The following DAB1 variants were observed in gnomAD, a reference collection of about 807,000 sequenced individuals.
DAB1 encodes disabled homolog 1.
A neutral mutation model predicts 64.6 loss-of-function variants in DAB1; 15 were observed. That is an observed-to-expected ratio of 0.23 (90% CI 0.16 to 0.36). The LOEUF (loss-of-function observed/expected upper bound fraction) is 0.36. Among genes scored for constraint, DAB1 ranks in the 10% least tolerant of loss-of-function variants. The pLI is 1.00. For synonymous variants in DAB1, 235 were observed against 251.9 expected (o/e 0.93, Z 0.64); for missense variants, 596 against 706.7 (o/e 0.84, Z 1.78).
At chr1:58,539,837 C>G (rs1263331328) in intron 1 of DAB1, among the ~76,000 whole-genome samples, 1 of 152,096 alleles carries the variant, frequency 6.6e-6, no homozygotes, top group African/African-American at 2.4e-5. Context: ...AGGTGGAGCC[C>G]AGTGGTTCCC....
intron 6 of DAB1, among the ~76,000 whole-genome samples, chr1:57,744,939 T>G (rs1410582705): frequency 6.6e-6 from 1 of 152,166 alleles, no homozygotes; most frequent in African/African-American, 2.4e-5. Flanking sequence ...AAACTGTGTT[T>G]TTCACAGAAC....
intron 5 of DAB1, among the ~76,000 whole-genome samples, chr1:58,022,872 A>G (rs776329014): frequency 1.3e-5 from 2 of 151,946 alleles, no homozygotes; most frequent in Admixed American, 6.6e-5. Flanking sequence ...TTCATTATTT[A>G]TTTTTCTGAA....
chr1:57,023,574 A>G lies in DAB1; in HGVS notation c.852T>C (p.Asp284=), dbSNP rs774857091. ...TGCCGAAAGGTACAGAACTAAACAC[A>G]TCTGCACTCGCTGGAAGGGTCTGAG... ...SSSQTLPASA[D]VFSSVPFGTA... Residue 284 remains aspartate (D), a synonymous_variant, in exon 11 of 15, where the codon GAT becomes GAC. Transcript: ENST00000371236. The G allele has an allele frequency of 6.2e-7, 1 of 1,612,056 alleles. No homozygotes were observed. Among genetic ancestry groups the G allele is most frequent in the South Asian group, 1.1e-5 (1 of 90,074 alleles).
chr1:57,348,231 C>T (rs1678278425), intron 1 of DAB1, among the ~76,000 whole-genome samples: 1 of 152,138 alleles, frequency 6.6e-6, no homozygotes, highest in Non-Finnish European at 1.5e-5. Flanking sequence ...CTTGTCCCTG[C>T]CCCTAGAGGC....
intron 1 of DAB1, among the ~76,000 whole-genome samples, chr1:57,373,300 C>G (rs1387300838): frequency 1.3e-5 from 2 of 152,174 alleles, no homozygotes; most frequent in South Asian, 2.1e-4. Context: ...GTTCTGTGAC[C>G]TCTTAATGAT....
At position 57,400,299 on chromosome 1, in the gene DAB1, C is replaced by A. The variant is rs574234264; in HGVS notation, c.-137+23631G>T. Among the ~76,000 whole-genome samples, 198 of 152,124 alleles carry A rather than the reference C, an allele frequency of 1.3e-3. 2 individuals carry two copies. Among genetic ancestry groups the A allele is most frequent in the African/African-American group, 4.4e-3 (182 of 41,494 alleles). ...TGAGTTGGAGAGAAAGAAAAAAAAA[C>A]CAAAAGGTTCAGTCTATGAAGTTGT... is the stretch of plus-strand genomic sequence containing the variant. On this transcript the variant is annotated intron_variant, in intron 1 of 14. Coordinates refer to ENST00000371236, the MANE Select transcript of DAB1 (RefSeq NM_001365792.1).
chr1:57,546,869 C>A (rs141183103), intron 7 of DAB1, among the ~76,000 whole-genome samples: 6 of 152,200 alleles, frequency 3.9e-5, no homozygotes, highest in Non-Finnish European at 8.8e-5. Flanking sequence ...TATATATATG[C>A]ACATGGGCAG....
intron 4 of DAB1, among the ~76,000 whole-genome samples, chr1:58,164,445 T>C (rs1307924191): frequency 6.6e-6 from 1 of 152,220 alleles, no homozygotes; most frequent in Non-Finnish European, 1.5e-5. Flanking sequence ...CTCTCTGATC[T>C]GAAGTATAGA....
intron 3 of DAB1, among the ~76,000 whole-genome samples, chr1:58,489,943 C>A (rs1340750086): frequency 6.6e-6 from 1 of 152,282 alleles, no homozygotes; most frequent in East Asian, 1.9e-4. Context: ...CCCATCTGTA[C>A]GTCACCATCA....
chr1:57,407,029 C>T (rs961612126), intron 1 of DAB1, among the ~76,000 whole-genome samples: 1 of 152,148 alleles, frequency 6.6e-6, no homozygotes, highest in Non-Finnish European at 1.5e-5. Context: ...AATAAACTTT[C>T]CCTAAGAATG....
chr1:58,286,634 G>A (rs1190398910), intron 4 of DAB1, among the ~76,000 whole-genome samples: 1 of 152,186 alleles, frequency 6.6e-6, no homozygotes, highest in African/African-American at 2.4e-5. Flanking sequence ...TCTCACACCA[G>A]CCAAAATGGC....
At chr1:58,451,197 C>T (rs190469023) in intron 3 of DAB1, among the ~76,000 whole-genome samples, 1 of 152,334 alleles carries the variant, frequency 6.6e-6, no homozygotes, top group African/African-American at 2.4e-5. Context: ...TCAAGCAATC[C>T]TCCCGCCTTA....
At chr1:57,651,669 A>AAAC (rs1558577030) in intron 6 of DAB1, among the ~76,000 whole-genome samples, 2 of 150,928 alleles carry the variant, frequency 1.3e-5, no homozygotes, top group African/African-American at 2.4e-5. Flanking sequence ...AACAAACAAA[A>AAAC]AAAAAATGAC....
chr1:57,688,999 C>T (rs1353478512), intron 6 of DAB1, among the ~76,000 whole-genome samples: 3 of 151,994 alleles, frequency 2.0e-5, no homozygotes, highest in Admixed American at 6.6e-5. Context: ...GATCCATACC[C>T]AAATCTCAGT....
At chr1:58,387,722 C>CTTTT (rs35563837) in intron 3 of DAB1, among the ~76,000 whole-genome samples, 23 of 65,518 alleles carry the variant, frequency 3.5e-4, no homozygotes, top group Non-Finnish European at 5.4e-4. Context: ...CTTTTCTTTT[C>CTTTT]TTTTTTTTTT....
rs552174557 is a variant in DAB1 at position 57,406,578 on chromosome 1, C to A, written c.-137+17352G>T. Among the ~76,000 whole-genome samples the A allele has an allele frequency of 7.9e-4, 120 of 152,310 alleles. 4 individuals are homozygous for A. The South Asian group carries it at 0.024, about 30-fold the overall frequency. ...TAAATCATTACTCCTTGTAATGGCACTGAGGTAGCCATTATCCTCCTCATC... is the reference window on the plus strand; with the variant it reads ...TAAATCATTACTCCTTGTAATGGCAATGAGGTAGCCATTATCCTCCTCATC... On this transcript the variant is annotated intron_variant, in intron 1 of 14. Coordinates refer to ENST00000371236, the MANE Select transcript of DAB1 (RefSeq NM_001365792.1).
At chr1:57,642,769 C>T (rs985658777) in intron 7 of DAB1, among the ~76,000 whole-genome samples, 48 of 152,240 alleles carry the variant, frequency 3.2e-4, no homozygotes, top group African/African-American at 1.2e-3. Context: ...TGAACATCAG[C>T]GTGTTAAATC....
At chr1:57,817,585 G>A (rs546822669) in intron 6 of DAB1, among the ~76,000 whole-genome samples, 1 of 152,204 alleles carries the variant, frequency 6.6e-6, no homozygotes, top group Non-Finnish European at 1.5e-5. Flanking sequence ...AGGGTGGAGG[G>A]CTCCTCAGGC....
At chr1:58,253,116 T>C (rs929744574) in intron 4 of DAB1, among the ~76,000 whole-genome samples, 5 of 152,188 alleles carry the variant, frequency 3.3e-5, no homozygotes, top group African/African-American at 2.4e-5. Context: ...AGATCTGACT[T>C]CGAACCTCTC....
Sources: allele counts gnomAD v4.1 joint callset (sites outside exome capture counted in the v4.1 genomes callset), GRCh38; gene constraint gnomAD v4.1.1; transcripts MANE v1.5; gene names NCBI Gene and HGNC (gene_info 2026-07-23, HGNC 2026-07-21).